ZSCAN18: variants seen among roughly 807,000 people sequenced by gnomAD.
The protein encoded by ZSCAN18 is zinc finger and SCAN domain containing 18.
ZSCAN18 carries 16 observed loss-of-function variants against 31.1 expected under a neutral mutation model. The ratio of observed to expected loss-of-function variants is 0.51; its 90% CI spans 0.35 to 0.78. The LOEUF (loss-of-function observed/expected upper bound fraction) is 0.78. Ranked by LOEUF, ZSCAN18 falls within the 30% of genes least tolerant of loss-of-function variation. ZSCAN18 has a pLI of 0.01. For synonymous variants in ZSCAN18, 375 were observed against 320.7 expected (o/e 1.17, Z -1.81); for missense variants, 731 against 697.4 (o/e 1.05, Z -0.54).
At position 58,086,906 on chromosome 19, in the gene ZSCAN18, C is replaced by T; in HGVS notation, c.745G>A (p.Gly249Arg). 3.1e-6 allele frequency: 5 copies of T among 1,613,250 alleles called. No homozygotes were observed. Among genetic ancestry groups the T allele is most frequent in the Non-Finnish European group, 4.2e-6 (5 of 1,179,710 alleles). ...TGACCCCGAGGCAGGCGACTCTCAC[C>T]CCACAGGAGCAGCTTCCGGTAGCTC... ...LKSYRKLLLW[G>R]YQLSQPDAAS... Residue 249 changes from glycine to arginine, a missense_variant and splice_region_variant, in exon 5 of 7, where the codon GGG becomes AGG. By Grantham distance (125) the Gly-to-Arg change is moderately radical. Around this residue, in one of 4 missense-constraint regions of ZSCAN18, gnomAD observed 597 missense variants for 499.5 expected, o/e 1.20. Transcript: ENST00000601144.
intron 3 of ZSCAN18, 93 bp downstream of exon 3, chr19:58,088,595 C>T: frequency 1.4e-6 from 2 of 1,379,782 alleles, no homozygotes; most frequent in Non-Finnish European, 9.9e-7. Flanking sequence ...CCCTGACTCC[C>T]TGGCTGCCCT....
chr19:58,087,062 C>A (rs1035459196), intron 4 of ZSCAN18, 54 bp from the exon 5 acceptor site: 49 of 1,432,704 alleles, frequency 3.4e-5, no homozygotes, highest in Non-Finnish European at 4.0e-5. Flanking sequence ...AAGGGAGGAC[C>A]CGCCGCAGCC....
chr19:58,089,014 AG>A (rs2074345371), intron 2 of ZSCAN18, among the ~76,000 whole-genome samples, 177 bp from the exon 3 acceptor site: 2 of 152,198 alleles, frequency 1.3e-5, no homozygotes, highest in Admixed American at 1.3e-4. Context: ...TACTGTTAAG[AG>A]GCTGGGGGCC....
intron 1 of ZSCAN18, among the ~76,000 whole-genome samples, chr19:58,097,398 A>G (rs1228824410): frequency 2.0e-5 from 3 of 151,654 alleles, no homozygotes; most frequent in Admixed American, 1.3e-4. Flanking sequence ...CCCCACCCCA[A>G]CCCCCTGGGT....
At chr19:58,100,809 G>A (rs572022490), upstream of ZSCAN18, among the ~76,000 whole-genome samples, 4 of 152,000 alleles carry the variant, frequency 2.6e-5, no homozygotes, top group South Asian at 6.2e-4. Context: ...TGGAAGGCAG[G>A]GGCTGCAGTG....
chr19:58,109,345 A>G (rs1878995803), intron 1 of ZSCAN18: 1 of 1,231,288 alleles, frequency 8.1e-7, no homozygotes, highest in South Asian at 4.1e-5. Flanking sequence ...CTTAGAGAAA[A>G]AATTGCTAGA....
At chr19:58,097,270 C>CAAG (rs1451777468) in intron 1 of ZSCAN18, among the ~76,000 whole-genome samples, 13 of 151,792 alleles carry the variant, frequency 8.6e-5, no homozygotes, top group Admixed American at 6.6e-4. Flanking sequence ...GAGGAAGGAG[C>CAAG]AAGAGCAGGG....
At position 58,107,808 on chromosome 19, in the gene ZSCAN18, C is replaced by A. The variant is rs2074647177; in HGVS notation, c.130+10459G>T. 5.0e-6 allele frequency: 5 copies of A among 995,676 alleles called. No homozygotes were observed. The South Asian group carries it at 1.4e-4, about 28-fold the overall frequency. The allele number at this position is 995,676 out of a possible 1,614,324, so 61.7% of individuals were successfully genotyped here. ...CTGGTTTCTAGCGAGAGCACAGATA[C>A]TTGGGAAAACTTTCCCACACTAGAC... is the stretch of plus-strand genomic sequence containing the variant. On this transcript the variant is annotated intron_variant, in intron 1 of 1. Transcript: ENST00000595721.
intron 1 of ZSCAN18, among the ~76,000 whole-genome samples, chr19:58,109,478 G>T (rs1354192303): frequency 1.3e-5 from 2 of 152,112 alleles, no homozygotes; most frequent in Non-Finnish European, 2.9e-5. Flanking sequence ...AAATGTGTAT[G>T]TATGTTCATA....
exon 1 of ZSCAN18, chr19:58,118,396 T>C (rs773035760): frequency 2.0e-5 from 31 of 1,521,108 alleles, no homozygotes; most frequent in Non-Finnish European, 2.3e-5. Flanking sequence ...ACTCTCCGCA[T>C]GGGCGCGCAG....
intron 6 of ZSCAN18, 71 bp downstream of exon 6, chr19:58,086,103 A>C: frequency 5.6e-5 from 73 of 1,310,394 alleles, no homozygotes; most frequent in Non-Finnish European, 7.1e-5. Flanking sequence ...TGGCGCTGGG[A>C]GGGGCCCCCT....
rs2074230717 is a variant in ZSCAN18 at position 58,084,858 on chromosome 19, G to T, written c.1360C>A (p.Leu454Met). The T allele has an allele frequency of 1.9e-6, 3 of 1,600,672 alleles. No individual in the cohort carries two copies. The highest frequency in any genetic ancestry group is 2.2e-5 in the South Asian group (2 of 89,196). ...QGCWKTFHFSLALAEHQKTHE... is the reference protein window; with the variant it reads ...QGCWKTFHFSMALAEHQKTHE... ...GTCTTCTGGTGCTCGGCTAGGGCCA[G>T]GCTGAAGTGGAAGGTCTTCCAGCAG... The change falls in exon 7 of 7, where the codon CTG (leucine) becomes ATG (methionine). Residue 454 changes from leucine (L) to methionine (M), a missense_variant. Physicochemically the swap from Leu to Met is conservative, Grantham distance 15 (BLOSUM62 2). This residue lies in a region of ZSCAN18 where 597 missense variants were observed against 499.5 expected (regional missense o/e 1.20). Transcript: ENST00000601144. The surrounding 1 kb of genome is among the most constrained non-coding windows in gnomAD (Gnocchi z 4.5).
chr19:58,090,496 A>C lies in ZSCAN18; in HGVS notation c.-119-110T>G. 4 of 1,049,100 alleles carry C rather than the reference A, an allele frequency of 3.8e-6. No homozygotes were observed. The highest frequency in any genetic ancestry group is 5.4e-6 in the Non-Finnish European group (4 of 741,330). The allele number at this position is 1,049,100 out of a possible 1,614,324, so 65.0% of individuals were successfully genotyped here. A position where few individuals can be genotyped will look rare whatever the true frequency, so the allele number is the denominator to read the frequency against. On this transcript the variant is annotated intron_variant, in intron 1 of 6. Transcript: ENST00000601144. This position sits in a 1 kb window ranked among gnomAD's most constrained non-coding sequence, Gnocchi z 4.7. ...CCAGAGTTCACACAGATTTCCAAGAAACCCGCTTGTTAGGCATCAGTAGAA... is the reference window on the plus strand; with the variant it reads ...CCAGAGTTCACACAGATTTCCAAGACACCCGCTTGTTAGGCATCAGTAGAA...
At chr19:58,093,063 C>T (rs1181072974) in intron 1 of ZSCAN18, among the ~76,000 whole-genome samples, 1 of 152,120 alleles carries the variant, frequency 6.6e-6, no homozygotes, top group Non-Finnish European at 1.5e-5. Context: ...AGGCGTGAGC[C>T]ACTGCACCCA....
At chr19:58,112,129 G>A (rs1473763692) in intron 1 of ZSCAN18, among the ~76,000 whole-genome samples, 1 of 152,106 alleles carries the variant, frequency 6.6e-6, no homozygotes, top group Admixed American at 6.5e-5. Flanking sequence ...CGACTGCCCT[G>A]GGGTAAGGTG....
At chr19:58,109,958 G>A (rs1328533855) in intron 1 of ZSCAN18, among the ~76,000 whole-genome samples, 1 of 152,162 alleles carries the variant, frequency 6.6e-6, no homozygotes, top group Non-Finnish European at 1.5e-5. Flanking sequence ...ATGTTGCCCA[G>A]CCTGAACTCA....
chr19:58,106,728 A>AAAAAAT (rs2074637287), intron 1 of ZSCAN18, among the ~76,000 whole-genome samples: 1 of 9,088 alleles, frequency 1.1e-4, no homozygotes, highest in Non-Finnish European at 5.7e-4. Flanking sequence ...AAAAAAAAAA[A>AAAAAAT]GAAAGAAAGA....
chr19:58,085,299 C>A lies in ZSCAN18; in HGVS notation c.919G>T (p.Glu307Ter). Residue 307 changes from glutamate (E) to a stop codon, truncating the protein, a stop_gained, in exon 7 of 7, where the codon GAG becomes TAG. Coordinates refer to ENST00000601144, the MANE Select transcript of ZSCAN18 (RefSeq NM_001145543.2). LOFTEE classifies it low-confidence loss of function (END_TRUNC). ...GCAAGGGCGTCCCCAGGGGGCGCCT[C>A]CGTAGGCAGCTCAGGCAGCACCCCC... ...PAGVLPELPT[E>*]APPGDALADP... 6.3e-7 allele frequency: 1 copy of A among 1,599,660 alleles called. No homozygotes were observed. Among genetic ancestry groups the A allele is most frequent in the Non-Finnish European group, 8.5e-7 (1 of 1,178,336 alleles).
intron 1 of ZSCAN18, among the ~76,000 whole-genome samples, chr19:58,105,281 T>C (rs969077721): frequency 6.6e-6 from 1 of 152,208 alleles, no homozygotes; most frequent in African/African-American, 2.4e-5. Context: ...AGGAAATTAA[T>C]GTTGTTCTCG....
Sources: gnomAD v4.1 joint callset for allele counts (sites outside exome capture counted in the v4.1 genomes callset) on GRCh38, gnomAD v4.1.1 for gene constraint, gnomAD v4.1.1 regional missense constraint, Gnocchi (gnomAD v3.1) non-coding constraint, MANE v1.5 for transcripts, NCBI Gene and HGNC (gene_info 2026-07-23, HGNC 2026-07-21) for gene names.